The following GALNT13 variants were observed in gnomAD, a reference collection of about 807,000 sequenced individuals.
GALNT13 encodes the protein polypeptide N-acetylgalactosaminyltransferase 13.
A neutral mutation model predicts 64.2 loss-of-function variants in GALNT13; 28 were observed. The observed-to-expected ratio is 0.44, with a 90% CI of 0.32 to 0.60. The LOEUF (loss-of-function observed/expected upper bound fraction) is 0.60, where lower values mean the gene tolerates loss of function less well. Among genes scored for constraint, GALNT13 ranks in the 20% least tolerant of loss-of-function variants. The pLI is 0.05. For missense variants in GALNT13, 577 were observed against 669.8 expected, an observed-to-expected ratio of 0.86 and a Z score of 1.53; for synonymous variants, 214 against 224.6, an observed-to-expected ratio of 0.95 and a Z score of 0.42.
the GALNT13 span, among the ~76,000 whole-genome samples, chr2:153,604,811 A>G: frequency 5.5e-4 from 84 of 152,206 alleles, no homozygotes; most frequent in African/African-American, 2.0e-3. Context: ...ACATAAAGGA[A>G]TACCTATTGG....
At chr2:153,260,153 A>G in the GALNT13 span, among the ~76,000 whole-genome samples, 39 of 152,168 alleles carry the variant, frequency 2.6e-4, no homozygotes, top group Admixed American at 5.2e-4. Flanking sequence ...TTTATATCCT[A>G]TTATATGGTC....
At chr2:153,887,574 T>C (rs997865638) in intron 1 of GALNT13, among the ~76,000 whole-genome samples, 13 of 151,842 alleles carry the variant, frequency 8.6e-5, no homozygotes, top group African/African-American at 3.1e-4. Context: ...ATTCATTTCA[T>C]GATAAATATT....
At chr2:153,618,824 A>G in the GALNT13 span, among the ~76,000 whole-genome samples, 1 of 151,890 alleles carries the variant, frequency 6.6e-6, no homozygotes. Context: ...TTTATTTGAT[A>G]TAAGTGTAGC....
At chr2:154,175,116 A>G (rs952487589) in intron 4 of GALNT13, among the ~76,000 whole-genome samples, 2 of 152,126 alleles carry the variant, frequency 1.3e-5, no homozygotes, top group African/African-American at 4.8e-5. Context: ...AGGTTTTCTA[A>G]TCTTTGAAAG....
the GALNT13 span, among the ~76,000 whole-genome samples, chr2:153,104,000 G>A: frequency 6.6e-6 from 1 of 152,062 alleles, no homozygotes; most frequent in African/African-American, 2.4e-5. Flanking sequence ...ACCTTCTGAA[G>A]AGTAATCTTC....
At chr2:153,795,467 T>A in the GALNT13 span, among the ~76,000 whole-genome samples, 1 of 151,692 alleles carries the variant, frequency 6.6e-6, no homozygotes, top group African/African-American at 2.4e-5. Context: ...AACTACCTGA[T>A]GACCTCCTGG....
chr2:153,564,629 T>C, the GALNT13 span, among the ~76,000 whole-genome samples: 1 of 151,952 alleles, frequency 6.6e-6, no homozygotes, highest in African/African-American at 2.4e-5. Flanking sequence ...CATTATTGTT[T>C]CTGATTTATA....
At chr2:154,247,110 T>G (rs574562220) in intron 7 of GALNT13, among the ~76,000 whole-genome samples, 1 of 152,114 alleles carries the variant, frequency 6.6e-6, no homozygotes, top group Admixed American at 6.5e-5. Flanking sequence ...ACTGAACAAT[T>G]AAATATTAGG....
intron 9 of GALNT13, among the ~76,000 whole-genome samples, chr2:154,326,077 C>A (rs1694862502): frequency 6.6e-6 from 1 of 152,098 alleles, no homozygotes; most frequent in East Asian, 1.9e-4. Flanking sequence ...CAGTCTAAGG[C>A]CCCATTCCAG....
At chr2:154,038,515 A>T (rs1357602432) in intron 3 of GALNT13, among the ~76,000 whole-genome samples, 1 of 152,166 alleles carries the variant, frequency 6.6e-6, no homozygotes, top group Admixed American at 6.6e-5. Context: ...TGCGCTGGGG[A>T]ATGGGTACCC....
the GALNT13 span, among the ~76,000 whole-genome samples, chr2:153,382,367 C>T: frequency 1.3e-5 from 2 of 151,972 alleles, no homozygotes; most frequent in Admixed American, 6.6e-5. Context: ...TTATTGTTGC[C>T]ATCTTTATGT....
chr2:153,111,058 G>A, the GALNT13 span, among the ~76,000 whole-genome samples: 2 of 152,022 alleles, frequency 1.3e-5, no homozygotes, highest in Non-Finnish European at 2.9e-5. Context: ...GAGAGACATA[G>A]ATTAATGTGA....
chr2:154,246,128 A>C, intron 7 of GALNT13, 146 bp downstream of exon 7: 1 of 468,838 alleles, frequency 2.1e-6, no homozygotes, highest in Non-Finnish European at 3.6e-6. Context: ...TAATCATATA[A>C]GGATCAATGA....
chr2:154,140,647 A>T, intron 4 of GALNT13, 142 bp downstream of exon 4: 1 of 496,562 alleles, frequency 2.0e-6, no homozygotes. Flanking sequence ...TTTATTGTGC[A>T]TGCATATGCT....
chr2:153,698,780 A>G, the GALNT13 span, among the ~76,000 whole-genome samples: 1 of 152,250 alleles, frequency 6.6e-6, no homozygotes. Context: ...TCAACAGAAT[A>G]TACATTCTTC....
At chr2:154,084,715 A>G (rs1031737263) in intron 3 of GALNT13, among the ~76,000 whole-genome samples, 3 of 151,962 alleles carry the variant, frequency 2.0e-5, no homozygotes, top group Non-Finnish European at 2.9e-5. Context: ...AGTGCTGCCT[A>G]AGAATAACTT....
At chr2:153,966,657 C>G (rs1387372240) in intron 3 of GALNT13, among the ~76,000 whole-genome samples, 11 of 151,982 alleles carry the variant, frequency 7.2e-5, no homozygotes, top group Non-Finnish European at 1.0e-4. Flanking sequence ...CGTGAGCCAC[C>G]GCGACCGGCC....
At chr2:153,307,747 A>T in the GALNT13 span, among the ~76,000 whole-genome samples, 34,109 of 151,922 alleles carry the variant, frequency 0.22, 3,978 homozygotes, top group Middle Eastern at 0.34. Context: ...TTTTTTTCTA[A>T]TTAGTATTTT....
the GALNT13 span, among the ~76,000 whole-genome samples, chr2:153,126,798 A>G: frequency 2.0e-5 from 3 of 152,208 alleles, no homozygotes; most frequent in African/African-American, 7.2e-5. Flanking sequence ...TCCATTTAGA[A>G]TTCTCATGGC....
Sources: allele counts gnomAD v4.1 joint callset (sites outside exome capture counted in the v4.1 genomes callset), GRCh38; gene constraint gnomAD v4.1.1; transcripts MANE v1.5; gene names NCBI Gene and HGNC (gene_info 2026-07-23, HGNC 2026-07-21).